The following CCDC59 variants were observed in gnomAD, a reference collection of about 807,000 sequenced individuals.
CCDC59 encodes the protein thyroid transcription factor 1-associated protein 26.
Under a neutral mutation model 30.5 loss-of-function variants are expected in CCDC59, and 27 were observed. The observed-to-expected ratio is 0.89, with a 90% CI of 0.65 to 1.22. CCDC59 has a LOEUF of 1.22. CCDC59 is among the 50% of genes most tolerant of loss of function. CCDC59 has a pLI of 0.00. For synonymous variants in CCDC59, 125 were observed against 100.9 expected, an observed-to-expected ratio of 1.24 and a Z score of -1.43; for missense variants, 362 against 284.4, an observed-to-expected ratio of 1.27 and a Z score of -1.96.
At chr12:82,358,718 C>T (rs776912321), upstream of CCDC59, 3 of 1,614,122 alleles carry the variant, frequency 1.9e-6, no homozygotes, top group Non-Finnish European at 2.5e-6. Flanking sequence ...AGGAGCTGGT[C>T]GACTTGCCAC....
intron 1 of CCDC59, among the ~76,000 whole-genome samples, chr12:82,357,939 G>A (rs1037910513): frequency 6.6e-6 from 1 of 152,084 alleles, no homozygotes; most frequent in East Asian, 1.9e-4. Flanking sequence ...GAGTTCACAG[G>A]GTCATAGACT....
intron 2 of CCDC59, among the ~76,000 whole-genome samples, chr12:82,356,547 A>G (rs760743481): frequency 3.9e-5 from 6 of 152,254 alleles, no homozygotes; most frequent in Non-Finnish European, 7.3e-5. Flanking sequence ...TAAAGAGGAC[A>G]TAGTGTTATT....
In CCDC59 at chr12:82,352,953, C is replaced by T. The variant is rs764689030; in HGVS notation, c.*198G>A. ...CTTTCAGTTCTTCAGGCCAACCTTC[C>T]TTCAGAGGCAAATAAATAAGAAACA... On this transcript the variant is annotated 3_prime_UTR_variant, in exon 4 of 4. Coordinates refer to ENST00000256151, the MANE Select transcript of CCDC59 (RefSeq NM_014167.5). 1.6e-5 allele frequency: 7 copies of T among 429,458 alleles called. No individual in the cohort carries two copies. Among genetic ancestry groups the T allele is most frequent in the African/African-American group, 4.1e-5 (2 of 49,040 alleles). 26.6% of individuals were successfully genotyped at this position (429,458 alleles called of 1,614,324 possible).
At chr12:82,358,526 G>A (rs373989297), upstream of CCDC59, 11 of 1,600,606 alleles carry the variant, frequency 6.9e-6, no homozygotes, top group Non-Finnish European at 9.4e-6. Flanking sequence ...GCGCCTCACG[G>A]CCATGTTTGC....
chr12:82,358,545 C>A (rs1408167436), upstream of CCDC59: 2 of 1,605,338 alleles, frequency 1.2e-6, no homozygotes, highest in Admixed American at 1.7e-5. Flanking sequence ...GCGCCACCTA[C>A]AGCCTCGGAG....
intron 2 of CCDC59, 25 bp downstream of exon 2, chr12:82,356,935 G>A (rs779915819): frequency 3.2e-6 from 5 of 1,552,646 alleles, no homozygotes; most frequent in South Asian, 1.2e-5. Context: ...ACACTTAAAG[G>A]ATTTCAAATG....
At position 82,353,148 on chromosome 12, in the gene CCDC59, T is replaced by C; in HGVS notation, c.*3A>G. ...GATATTTTAACCTGTAGGAACAAAA[T>C]GTTTAACATTTTTCTTGTATTTTTT... On this transcript the variant is annotated 3_prime_UTR_variant, in exon 4 of 4. Transcript: ENST00000256151. 6.3e-7 allele frequency: 1 copy of C among 1,597,880 alleles called. No homozygotes were observed. The highest frequency in any genetic ancestry group is 1.1e-5 in the South Asian group (1 of 87,750).
chr12:82,354,770 T>TAAA, intron 2 of CCDC59, 176 bp from the exon 3 acceptor site: 1 of 401,480 alleles, frequency 2.5e-6, no homozygotes, highest in Non-Finnish European at 4.1e-6. Context: ...CCTAAAATGT[T>TAAA]AAAAAAAAAA....
At chr12:82,358,486 A>G (rs547007683), upstream of CCDC59, 14 of 1,596,926 alleles carry the variant, frequency 8.8e-6, no homozygotes, top group African/African-American at 1.7e-4. Context: ...AGCTCTACTG[A>G]GCCTGCCTGT....
Position 82,357,243 on chromosome 12 carries a change from G to C in CCDC59, c.181C>G (p.Leu61Val). ...EGQGFAFRRK[L>V]KIQQSYKKLL... ...TTCTTGTAACTTTGCTGTATTTTCAGTTTTCTTCGAAAAGCAAAGCCTTGT... is the reference window on the plus strand; with the variant it reads ...TTCTTGTAACTTTGCTGTATTTTCACTTTTCTTCGAAAAGCAAAGCCTTGT... The change falls in exon 2 of 4, where the codon CTG becomes GTG. Residue 61 changes from leucine (L) to valine (V), a missense_variant. Leu to Val is a conservative substitution (Grantham distance 32, BLOSUM62 1). Transcript: ENST00000256151. 1 of 1,612,544 alleles carries C rather than the reference G, an allele frequency of 6.2e-7. No homozygotes were observed. Among genetic ancestry groups the C allele is most frequent in the Non-Finnish European group, 8.5e-7 (1 of 1,179,514 alleles).
upstream of CCDC59, chr12:82,358,613 G>A (rs1248622123): frequency 6.2e-7 from 1 of 1,613,746 alleles, no homozygotes; most frequent in South Asian, 1.1e-5. Context: ...TGCCCACGCT[G>A]CGTGCCAAGT....
At chr12:82,358,721 C>T (rs761881098), upstream of CCDC59, 3 of 1,614,176 alleles carry the variant, frequency 1.9e-6, no homozygotes, top group South Asian at 2.2e-5. Context: ...AGCTGGTCGA[C>T]TTGCCACCGG....
At chr12:82,358,136 C>T in intron 1 of CCDC59, 87 bp downstream of exon 1, 1 of 1,519,100 alleles carries the variant, frequency 6.6e-7, no homozygotes, top group South Asian at 1.2e-5. Flanking sequence ...GGTCTGGTTC[C>T]TAAATCCTTC....
At chr12:82,356,579 T>C (rs189495376) in intron 2 of CCDC59, among the ~76,000 whole-genome samples, 2 of 152,246 alleles carry the variant, frequency 1.3e-5, no homozygotes, top group East Asian at 3.9e-4. Context: ...AAAGAAGAGG[T>C]CACTGGGGCA....
chr12:82,356,833 C>A, intron 2 of CCDC59, 127 bp downstream of exon 2: 1 of 710,804 alleles, frequency 1.4e-6, no homozygotes. Flanking sequence ...AAAATGTTTC[C>A]CTAATTAAAC....
intron 2 of CCDC59, among the ~76,000 whole-genome samples, chr12:82,356,522 T>C (rs1216657720): frequency 6.6e-6 from 1 of 152,212 alleles, no homozygotes; most frequent in Non-Finnish European, 1.5e-5. Flanking sequence ...CATTACAGTA[T>C]TATCTTTCCC....
intron 3 of CCDC59, among the ~76,000 whole-genome samples, chr12:82,353,933 T>C (rs908621973): frequency 1.3e-5 from 2 of 152,024 alleles, no homozygotes; most frequent in Non-Finnish European, 2.9e-5. Flanking sequence ...TAATTCTGTA[T>C]TCATTTGAAA....
At chr12:82,358,554 A>C (rs537286915), upstream of CCDC59, 1 of 1,608,106 alleles carries the variant, frequency 6.2e-7, no homozygotes, top group African/African-American at 1.3e-5. Context: ...ACAGCCTCGG[A>C]GGGTGAGCGT....
intron 2 of CCDC59, chr12:82,354,992 C>T (rs1017838019): frequency 1.3e-5 from 2 of 155,522 alleles, no homozygotes; most frequent in African/African-American, 4.8e-5. Context: ...ACTGTTCTAT[C>T]TTTAACTACT....
Sources: allele counts gnomAD v4.1 joint callset (sites outside exome capture counted in the v4.1 genomes callset), GRCh38; gene constraint gnomAD v4.1.1; transcripts MANE v1.5; gene names NCBI Gene and HGNC (gene_info 2026-07-23, HGNC 2026-07-21).